CFAP61: variants seen among roughly 807,000 people sequenced by gnomAD.
CFAP61 encodes cilia- and flagella-associated protein 61.
Under a neutral mutation model 135.6 loss-of-function variants are expected in CFAP61, and 107 were observed. The observed-to-expected ratio is 0.79, with a 90% CI of 0.67 to 0.93. CFAP61 has a LOEUF of 0.93. Among genes scored for constraint, CFAP61 ranks in the 40% least tolerant of loss-of-function variants. The probability of loss-of-function intolerance (pLI) is 0.00; values close to 1 mark genes in which losing one functional copy is unlikely to be tolerated. For synonymous variants in CFAP61, 575 were observed against 578.5 expected, an observed-to-expected ratio of 0.99 and a Z score of 0.09; for missense variants, 1,507 against 1,556.2, an observed-to-expected ratio of 0.97 and a Z score of 0.53.
chr20:20,176,946 A>G (rs991792249), intron 13 of CFAP61, among the ~76,000 whole-genome samples: 3 of 152,160 alleles, frequency 2.0e-5, no homozygotes, highest in Non-Finnish European at 4.4e-5. Context: ...CATATAAGCC[A>G]TACCTACTTC....
intron 25 of CFAP61, among the ~76,000 whole-genome samples, chr20:20,321,926 A>G (rs2057536480): frequency 6.6e-6 from 1 of 152,208 alleles, no homozygotes; most frequent in Non-Finnish European, 1.5e-5. Context: ...GGACTGGCTT[A>G]TAGAAGGCCA....
intron 25 of CFAP61, among the ~76,000 whole-genome samples, chr20:20,332,276 T>G (rs2058029331): frequency 1.3e-5 from 2 of 152,152 alleles, no homozygotes; most frequent in African/African-American, 4.8e-5. Context: ...GAAACAAAAT[T>G]CTTAAGTGTC....
chr20:20,166,293 G>A, intron 11 of CFAP61, 104 bp from the exon 12 acceptor site: 1 of 853,174 alleles, frequency 1.2e-6, no homozygotes, highest in Non-Finnish European at 2.0e-6. Flanking sequence ...ACTAGTGGTT[G>A]GCTAATCGCT....
intron 21 of CFAP61, chr20:20,265,544 G>C (rs534126844): frequency 1.3e-6 from 1 of 774,390 alleles, no homozygotes; most frequent in African/African-American, 1.7e-5. Flanking sequence ...AGTGCATAAA[G>C]CCATTTGGAG....
intron 20 of CFAP61, among the ~76,000 whole-genome samples, chr20:20,254,155 TCTCCCCTCCC>T (rs759901689): frequency 7.0e-4 from 2 of 2,848 alleles, no homozygotes; most frequent in African/African-American, 3.5e-3. Flanking sequence ...TCTCCATTCT[TCTCCCCTCCC>T]CTCCCCTCCC....
intron 25 of CFAP61, among the ~76,000 whole-genome samples, chr20:20,332,405 C>T (rs968285743): frequency 3.0e-4 from 46 of 152,202 alleles, no homozygotes; most frequent in Non-Finnish European, 5.9e-4. Context: ...GCCTTAATTC[C>T]GGGGCCACTT....
chr20:20,209,215 C>T (rs2047456655), intron 17 of CFAP61, among the ~76,000 whole-genome samples: 1 of 152,206 alleles, frequency 6.6e-6, no homozygotes, highest in Non-Finnish European at 1.5e-5. Flanking sequence ...TTCACCATTG[C>T]TGTGTGTAGG....
intron 6 of CFAP61, among the ~76,000 whole-genome samples, chr20:20,089,708 A>G (rs1217331330): frequency 6.6e-6 from 1 of 152,174 alleles, no homozygotes; most frequent in African/African-American, 2.4e-5. Flanking sequence ...GATGGAACAC[A>G]GGAGCTAGCC....
At chr20:20,209,240 T>C (rs1365018769) in intron 17 of CFAP61, among the ~76,000 whole-genome samples, 1 of 152,218 alleles carries the variant, frequency 6.6e-6, no homozygotes, top group Non-Finnish European at 1.5e-5. Flanking sequence ...TTCCCTCATG[T>C]TGGTTAAGTT....
chr20:20,189,259 G>A (rs2055737223), intron 14 of CFAP61, among the ~76,000 whole-genome samples: 1 of 146,854 alleles, frequency 6.8e-6, no homozygotes, highest in Non-Finnish European at 1.5e-5. Context: ...CACATGGTTT[G>A]CTTTGGTTTG....
chr20:20,164,169 G>A lies in CFAP61; in HGVS notation c.1146G>A (p.Arg382=). ...EEPVHFRPIY[R]GASAAFCIQL... ...CCGTCCACTTCCGCCCCATCTACAGGGGAGCCTCAGCTGCTTTTTGTATTC... is the reference window on the plus strand; with the variant it reads ...CCGTCCACTTCCGCCCCATCTACAGAGGAGCCTCAGCTGCTTTTTGTATTC... The change falls in exon 11 of 27, where the codon AGG becomes AGA. Residue 382 remains arginine (R), a synonymous_variant. Coordinates refer to ENST00000245957, the MANE Select transcript of CFAP61 (RefSeq NM_015585.4). The A allele has an allele frequency of 6.2e-7, 1 of 1,614,042 alleles. No homozygotes were observed. Among genetic ancestry groups the A allele is most frequent in the Non-Finnish European group, 8.5e-7 (1 of 1,179,956 alleles).
At chr20:20,190,019 A>G (rs910184240) in intron 14 of CFAP61, among the ~76,000 whole-genome samples, 16 of 152,324 alleles carry the variant, frequency 1.1e-4, no homozygotes, top group African/African-American at 3.8e-4. Flanking sequence ...TCCTGGCCTC[A>G]GGTGATCTGC....
chr20:20,121,838 G>T (rs1215219095), intron 8 of CFAP61, among the ~76,000 whole-genome samples: 1 of 151,986 alleles, frequency 6.6e-6, no homozygotes, highest in Non-Finnish European at 1.5e-5. Context: ...TTATTTTCTG[G>T]TGGTTTTGTG....
chr20:20,055,136 T>G (rs917817750), intron 1 of CFAP61, among the ~76,000 whole-genome samples: 1 of 152,208 alleles, frequency 6.6e-6, no homozygotes, highest in African/African-American at 2.4e-5. Context: ...TTTCATTTTT[T>G]AAGTTTCTGT....
At position 20,191,387 on chromosome 20, in the gene CFAP61, ATAGT is replaced by A. The variant is rs2055909852; in HGVS notation, c.1560_1563del (p.Ile520MetfsTer5). On this transcript the variant is annotated frameshift_variant, in exon 15 of 27. Coordinates refer to ENST00000245957, the MANE Select transcript of CFAP61 (RefSeq NM_015585.4). LOFTEE classifies it high-confidence loss of function. ...ATTTGTAGCTGAAGTTGCAGAACAA[ATAGT>A]TGGTATTGCAGTGATCAGAAATGAA... 1 of 1,613,076 alleles carries A rather than the reference ATAGT, an allele frequency of 6.2e-7. No homozygotes were observed.
intron 20 of CFAP61, 69 bp downstream of exon 20, chr20:20,251,832 C>G: frequency 2.7e-6 from 4 of 1,463,124 alleles, no homozygotes; most frequent in Non-Finnish European, 3.8e-6. Context: ...CATATGTTTA[C>G]TGGGGCACAC....
intron 24 of CFAP61, among the ~76,000 whole-genome samples, chr20:20,296,289 C>T (rs1358122581): frequency 1.1e-5 from 1 of 90,838 alleles, no homozygotes; most frequent in Non-Finnish European, 2.3e-5. Context: ...CTCATCCCTT[C>T]CCTCCTTCCC....
intron 25 of CFAP61, among the ~76,000 whole-genome samples, chr20:20,303,995 G>A (rs966275774): frequency 2.6e-5 from 4 of 152,102 alleles, no homozygotes; most frequent in Non-Finnish European, 4.4e-5. Context: ...GCAGCCCTGC[G>A]GGTCAGATGT....
At chr20:20,239,960 CA>C (rs57197032) in intron 18 of CFAP61, among the ~76,000 whole-genome samples, 37,741 of 151,842 alleles carry the variant, frequency 0.25, 4,976 homozygotes, top group Middle Eastern at 0.37. Flanking sequence ...TGGACAAGGT[CA>C]AAGTGATTGG....
Sources: gnomAD v4.1 joint callset for allele counts (sites outside exome capture counted in the v4.1 genomes callset) on GRCh38, gnomAD v4.1.1 for gene constraint, MANE v1.5 for transcripts, NCBI Gene and HGNC (gene_info 2026-07-23, HGNC 2026-07-21) for gene names.